Variants in BPGM observed in about 807,000 individuals in gnomAD.
BPGM encodes the protein 2,3-bisphosphoglycerate mutase, erythrocyte.
Under a neutral mutation model 21.6 loss-of-function variants are expected in BPGM, and 15 were observed. The observed-to-expected ratio is 0.70, with a 90% CI of 0.47 to 1.07. The LOEUF (loss-of-function observed/expected upper bound fraction) is 1.07. Ranked by LOEUF, BPGM falls within the 50% of genes least tolerant of loss-of-function variation. The pLI, the probability that BPGM is intolerant of heterozygous loss-of-function variation, is 0.00. For missense variants in BPGM, 273 were observed against 319.0 expected (o/e 0.86, Z 1.10); for synonymous variants, 113 against 116.2 (o/e 0.97, Z 0.18).
At chr7:134,658,892 A>ATTTTTTTTTTTTTTTTTTTTTT (rs1554411129) in intron 1 of BPGM, among the ~76,000 whole-genome samples, 24 of 143,934 alleles carry the variant, frequency 1.7e-4, no homozygotes, top group African/African-American at 5.5e-4. Flanking sequence ...GTGTGTGTGT[A>ATTTTTTTTTTTTTTTTTTTTTT]TTTTTTTTTT....
chr7:134,664,286 A>G (rs1294669429), intron 2 of BPGM, among the ~76,000 whole-genome samples: 1 of 152,156 alleles, frequency 6.6e-6, no homozygotes, highest in Non-Finnish European at 1.5e-5. Context: ...AGGTGTGAGC[A>G]GGGCTGTGCT....
intron 1 of BPGM, among the ~76,000 whole-genome samples, chr7:134,648,369 A>G (rs1039290258): frequency 1.3e-5 from 2 of 151,930 alleles, no homozygotes; most frequent in Non-Finnish European, 2.9e-5. Context: ...TCCTGACCTC[A>G]GGTGATCTGC....
intron 1 of BPGM, among the ~76,000 whole-genome samples, chr7:134,649,971 T>C (rs935934083): frequency 2.0e-5 from 3 of 152,224 alleles, no homozygotes; most frequent in African/African-American, 7.2e-5. Flanking sequence ...CTCTCACTTT[T>C]TGGTAGAGTG....
At position 134,667,567 on chromosome 7, in the gene BPGM, C is replaced by T. The variant is rs138924149; in HGVS notation, c.601+5459C>T. 9.8e-3 allele frequency among the ~76,000 whole-genome samples: 1,499 copies of T among 152,224 alleles called. 28 individuals are homozygous for T. Among genetic ancestry groups the T allele is most frequent in the African/African-American group, 0.034 (1,405 of 41,548 alleles). On this transcript the variant is annotated intron_variant, in intron 2 of 2. Coordinates refer to ENST00000344924, the MANE Select transcript of BPGM (RefSeq NM_001724.5). ...AAAAATAAAAACGTAAAAATGAAGA[C>T]GTTAGCTTTCACTACTGTTAAGAAT...
At chr7:134,648,803 G>C (rs1795510919) in intron 1 of BPGM, among the ~76,000 whole-genome samples, 1 of 151,966 alleles carries the variant, frequency 6.6e-6, no homozygotes, top group Admixed American at 6.6e-5. Context: ...CTACCATCTC[G>C]ATTTTTGCAT....
chr7:134,655,312 G>T (rs1795619396), intron 1 of BPGM, among the ~76,000 whole-genome samples: 1 of 152,122 alleles, frequency 6.6e-6, no homozygotes, highest in Non-Finnish European at 1.5e-5. Context: ...CTAATAAGGT[G>T]AGCCCTCCTT....
At chr7:134,655,149 A>G (rs1795616991) in intron 1 of BPGM, among the ~76,000 whole-genome samples, 1 of 152,102 alleles carries the variant, frequency 6.6e-6, no homozygotes, top group Non-Finnish European at 1.5e-5. Context: ...TTTATGAAAA[A>G]CAAAACAAAA....
At chr7:134,673,253 CTAAG>C (rs1795934222) in intron 2 of BPGM, among the ~76,000 whole-genome samples, 1 of 152,056 alleles carries the variant, frequency 6.6e-6, no homozygotes, top group African/African-American at 2.4e-5. Context: ...ATTAACCAGT[CTAAG>C]TATTTTAAAT....
intron 2 of BPGM, among the ~76,000 whole-genome samples, chr7:134,674,404 T>C (rs1368868756): frequency 9.2e-5 from 14 of 152,080 alleles, no homozygotes. Context: ...ACCCCCCCAG[T>C]TCCTCCCCTA....
chr7:134,657,705 A>G (rs1014210566), intron 1 of BPGM, among the ~76,000 whole-genome samples: 3 of 152,150 alleles, frequency 2.0e-5, no homozygotes, highest in African/African-American at 4.8e-5. Flanking sequence ...TTTCAGTGCA[A>G]TTGACACTCA....
chr7:134,669,514 A>C (rs1370816527), intron 2 of BPGM, among the ~76,000 whole-genome samples: 5 of 152,066 alleles, frequency 3.3e-5, no homozygotes, highest in Admixed American at 3.3e-4. Flanking sequence ...GCGGGTCAAC[A>C]AGGACCTCCT....
rs983021534 is a variant in BPGM at position 134,661,096 on chromosome 7, C to T, written c.-61-351C>T. 8.5e-5 allele frequency among the ~76,000 whole-genome samples: 13 copies of T among 152,336 alleles called. 1 individual carries two copies. The highest frequency in any genetic ancestry group is 8.5e-4 in the Admixed American group (13 of 15,308). ...TGGGAGTTCCCAGCCACTAGTCATT[C>T]TTTCAGACGTCTGTAACTCATTCTA... is the stretch of plus-strand genomic sequence containing the variant. On this transcript the variant is annotated intron_variant, in intron 1 of 2. Transcript: ENST00000344924. This position sits in a 1 kb window ranked among gnomAD's most constrained non-coding sequence, Gnocchi z 4.6.
At position 134,657,002 on chromosome 7, in the gene BPGM, G is replaced by T. The variant is rs149087581; in HGVS notation, c.-61-4445G>T. ...GGGTAAATATACCTGTTCCAAATGG[G>T]AGAAATTGGCCAAAACAAAGGGGCT... On this transcript the variant is annotated intron_variant, in intron 1 of 2. Coordinates refer to ENST00000344924, the MANE Select transcript of BPGM (RefSeq NM_001724.5). Among the ~76,000 whole-genome samples the T allele has an allele frequency of 4.8e-3, 724 of 152,252 alleles. 7 individuals are homozygous for T. Among genetic ancestry groups the T allele is most frequent in the South Asian group, 0.039 (188 of 4,818 alleles).
chr7:134,656,410 T>C (rs1455334589), intron 1 of BPGM, among the ~76,000 whole-genome samples: 1 of 152,168 alleles, frequency 6.6e-6, no homozygotes, highest in African/African-American at 2.4e-5. Flanking sequence ...ATGGATCATG[T>C]GTTAGAATTG....
intron 2 of BPGM, 95 bp downstream of exon 2, chr7:134,662,203 A>G: frequency 6.8e-7 from 1 of 1,477,404 alleles, no homozygotes; most frequent in Middle Eastern, 2.3e-4. Flanking sequence ...TTTACACAAT[A>G]GACTCCTCTA....
intron 2 of BPGM, among the ~76,000 whole-genome samples, chr7:134,671,390 C>G (rs1795901605): frequency 7.3e-6 from 1 of 136,400 alleles, no homozygotes; most frequent in African/African-American, 2.9e-5. Context: ...GAGATGGAGT[C>G]TCGCTCTGTT....
Position 134,661,431 on chromosome 7 carries a change from G to C in BPGM, c.-61-16G>C. 1.9e-6 allele frequency: 3 copies of C among 1,594,872 alleles called. No individual in the cohort carries two copies. Among genetic ancestry groups the C allele is most frequent in the Non-Finnish European group, 2.6e-6 (3 of 1,164,270 alleles). ...CAGTTGAATATAACTTAGACTTGTTGTTCTTGTCTTTCTAGATGTATTGCT... is the reference window on the plus strand; with the variant it reads ...CAGTTGAATATAACTTAGACTTGTTCTTCTTGTCTTTCTAGATGTATTGCT... On this transcript the variant is annotated splice_polypyrimidine_tract_variant and intron_variant, in intron 1 of 2. Transcript: ENST00000344924. This position sits in a 1 kb window ranked among gnomAD's most constrained non-coding sequence, Gnocchi z 4.6.
intron 2 of BPGM, among the ~76,000 whole-genome samples, chr7:134,672,510 C>T (rs1403182011): frequency 6.6e-6 from 1 of 152,102 alleles, no homozygotes; most frequent in African/African-American, 2.4e-5. Context: ...GTAATATGGT[C>T]CACTAAGTAA....
rs1036296382 is a variant in BPGM, at chr7:134,679,167, A to C, written c.*136A>C. The stretch of plus-strand genomic sequence containing the variant: ...GTAGAGTTTGTATAGGTAACTAGGT[A>C]ACTTATTGTGGCCCAGATAAGGCTT... On this transcript the variant is annotated 3_prime_UTR_variant, in exon 3 of 3. Coordinates refer to ENST00000344924, the MANE Select transcript of BPGM (RefSeq NM_001724.5). The C allele has an allele frequency of 6.1e-6, 6 of 989,376 alleles. No homozygotes were observed. The highest frequency in any genetic ancestry group is 9.0e-6 in the Non-Finnish European group (6 of 669,184). The allele number at this position is 989,376 out of a possible 1,614,324, so 61.3% of individuals were successfully genotyped here.
Sources: gnomAD v4.1 joint callset for allele counts (sites outside exome capture counted in the v4.1 genomes callset) on GRCh38, gnomAD v4.1.1 for gene constraint, Gnocchi (gnomAD v3.1) non-coding constraint, MANE v1.5 for transcripts, NCBI Gene and HGNC (gene_info 2026-07-23, HGNC 2026-07-21) for gene names.